The following METTL15 variants were observed in gnomAD, a reference collection of about 807,000 sequenced individuals.
The protein encoded by METTL15 is methyltransferase 15, mitochondrial 12S rRNA N4-cytidine, also known as 12S rRNA N(4)-cytidine methyltransferase METTL15.
METTL15 carries 34 observed loss-of-function variants against 38.3 expected under a neutral mutation model. That is an observed-to-expected ratio of 0.89 (90% CI 0.68 to 1.18). The LOEUF is 1.18. Among genes scored for constraint, METTL15 ranks in the 50% most tolerant of loss-of-function variants. The pLI is 0.00. For missense variants in METTL15, 438 were observed against 498.4 expected (o/e 0.88, Z 1.15); for synonymous variants, 162 against 170.9 (o/e 0.95, Z 0.41).
intron 3 of METTL15, among the ~76,000 whole-genome samples, chr11:28,198,926 A>G (rs1852005265): frequency 6.6e-6 from 1 of 152,078 alleles, no homozygotes; most frequent in African/African-American, 2.4e-5. Flanking sequence ...TGGTAGAACA[A>G]TAGCTTGCCT....
chr11:28,293,008 C>G (rs1856582724), intron 5 of METTL15, among the ~76,000 whole-genome samples: 1 of 152,118 alleles, frequency 6.6e-6, no homozygotes, highest in Non-Finnish European at 1.5e-5. Context: ...TGTAGGTTGC[C>G]TGTTCACTCT....
rs1251476620 is a variant in METTL15 at position 28,490,448 on chromosome 11, T to A, written c.*425-36030T>A. ...CTTCACATATTTTGCAAGAATAATA[T>A]AAAGCTCCAATGCCATGGAAACACG... On this transcript the variant is annotated intron_variant and NMD_transcript_variant, in intron 6 of 7. Transcript: ENST00000532947. 2.0e-5 allele frequency among the ~76,000 whole-genome samples: 3 copies of A among 152,224 alleles called. No individual in the cohort carries two copies. The East Asian group carries it at 5.8e-4, about 29-fold the overall frequency.
intron 6 of METTL15, among the ~76,000 whole-genome samples, chr11:28,434,382 T>C (rs2133434537): frequency 6.6e-6 from 1 of 152,324 alleles, no homozygotes; most frequent in African/African-American, 2.4e-5. Context: ...AGTGTGAGAA[T>C]AAACTAAGGC....
chr11:28,311,433 A>G (rs1465147431), intron 6 of METTL15, among the ~76,000 whole-genome samples: 2 of 152,114 alleles, frequency 1.3e-5, no homozygotes, highest in African/African-American at 2.4e-5. Flanking sequence ...TTACTTTTTC[A>G]TTATGTGTTC....
chr11:28,365,783 C>T (rs188230237), intron 5 of METTL15, among the ~76,000 whole-genome samples: 7 of 152,234 alleles, frequency 4.6e-5, no homozygotes, highest in African/African-American at 9.6e-5. Context: ...CGCGGTGGCT[C>T]ATGAGCGCCT....
intron 5 of METTL15, among the ~76,000 whole-genome samples, chr11:28,371,621 A>G (rs1026104938): frequency 6.6e-6 from 1 of 152,010 alleles, no homozygotes; most frequent in African/African-American, 2.4e-5. Context: ...CTTCTAATTC[A>G]TGAACATGGA....
At chr11:28,513,095 A>ATGG (rs146430974) in intron 6 of METTL15, among the ~76,000 whole-genome samples, 5 of 54 alleles carry the variant, frequency 0.093, no homozygotes, top group Non-Finnish European at 0.18. Flanking sequence ...AGACACTGAA[A>ATGG]TGATTACAAG....
chr11:28,236,858 T>C (rs914713706), intron 4 of METTL15, among the ~76,000 whole-genome samples: 6 of 152,324 alleles, frequency 3.9e-5, no homozygotes, highest in African/African-American at 7.2e-5. Context: ...CCTTCAATTA[T>C]GAAGCTTCGT....
chr11:28,253,466 G>A (rs1854831542), intron 4 of METTL15, among the ~76,000 whole-genome samples: 1 of 152,052 alleles, frequency 6.6e-6, no homozygotes. Context: ...CAATCTAATT[G>A]TACTCTTTAA....
At chr11:28,287,742 A>T (rs1369975429) in intron 4 of METTL15, 2 of 152,606 alleles carry the variant, frequency 1.3e-5, no homozygotes, top group Admixed American at 6.5e-5. Context: ...CTTGCAGATA[A>T]GGTTACCTAG....
chr11:28,293,982 T>C (rs982304906), intron 5 of METTL15, among the ~76,000 whole-genome samples: 7 of 152,180 alleles, frequency 4.6e-5, no homozygotes, highest in African/African-American at 1.7e-4. Flanking sequence ...TTTCTAGATA[T>C]ACAATCATGT....
intron 3 of METTL15, among the ~76,000 whole-genome samples, chr11:28,158,949 C>T (rs1050692767): frequency 1.3e-5 from 2 of 152,052 alleles, no homozygotes; most frequent in Non-Finnish European, 2.9e-5. Context: ...TACTGTTTCT[C>T]CCATAGCCGG....
intron 5 of METTL15, among the ~76,000 whole-genome samples, chr11:28,387,016 A>G (rs1479943289): frequency 1.3e-5 from 2 of 151,996 alleles, no homozygotes; most frequent in Non-Finnish European, 2.9e-5. Context: ...AATGAAAATT[A>G]AAACATAGCA....
intron 5 of METTL15, among the ~76,000 whole-genome samples, chr11:28,404,521 G>A (rs1390824300): frequency 6.6e-6 from 1 of 151,852 alleles, no homozygotes; most frequent in Non-Finnish European, 1.5e-5. Context: ...ATTTTATAAG[G>A]GCATTTATCC....
chr11:28,438,466 TC>T (rs1484363132), intron 6 of METTL15, among the ~76,000 whole-genome samples: 1 of 152,116 alleles, frequency 6.6e-6, no homozygotes, highest in Non-Finnish European at 1.5e-5. Flanking sequence ...TGGGACATAT[TC>T]CCTGTGCTTG....
At chr11:28,419,910 T>G (rs576827515) in intron 5 of METTL15, among the ~76,000 whole-genome samples, 2 of 152,216 alleles carry the variant, frequency 1.3e-5, no homozygotes, top group Admixed American at 1.3e-4. Context: ...AATAGTAGAA[T>G]TGATCAAACA....
At chr11:28,469,190 G>T (rs1292114158) in intron 6 of METTL15, among the ~76,000 whole-genome samples, 1 of 152,062 alleles carries the variant, frequency 6.6e-6, no homozygotes, top group Admixed American at 6.6e-5. Flanking sequence ...CTGATAACTG[G>T]CTTCCATCTT....
chr11:28,288,118 C>T (rs1023138496), intron 4 of METTL15, among the ~76,000 whole-genome samples: 11 of 152,130 alleles, frequency 7.2e-5, no homozygotes, highest in African/African-American at 2.4e-4. Context: ...AATGAGATAT[C>T]GCCTCACACC....
chr11:28,122,857 T>C (rs1056562588), intron 3 of METTL15, among the ~76,000 whole-genome samples: 20 of 152,170 alleles, frequency 1.3e-4, no homozygotes, highest in African/African-American at 4.6e-4. Context: ...ATCTTTTTTC[T>C]AGTTGTTCTT....
Sources: gnomAD v4.1 joint callset for allele counts (sites outside exome capture counted in the v4.1 genomes callset) on GRCh38, gnomAD v4.1.1 for gene constraint, MANE v1.5 for transcripts, NCBI Gene and HGNC (gene_info 2026-07-23, HGNC 2026-07-21) for gene names.